Variants in GAP43 observed in about 807,000 individuals in gnomAD.
The protein encoded by GAP43 is neuromodulin.
GAP43 carries 6 observed loss-of-function variants against 18.6 expected under a neutral mutation model. The ratio of observed to expected loss-of-function variants is 0.32; its 90% CI spans 0.18 to 0.64. GAP43 has a LOEUF of 0.64. Among genes scored for constraint, GAP43 ranks in the 30% least tolerant of loss-of-function variants. The probability of loss-of-function intolerance (pLI) is 0.78; values close to 1 mark genes in which losing one functional copy is unlikely to be tolerated. For missense variants in GAP43, 292 were observed against 295.5 expected (o/e 0.99, Z 0.09); for synonymous variants, 115 against 111.4 (o/e 1.03, Z -0.20).
intron 1 of GAP43, among the ~76,000 whole-genome samples, chr3:115,651,291 G>A (rs1708516160): frequency 6.6e-6 from 1 of 152,200 alleles, no homozygotes; most frequent in Non-Finnish European, 1.5e-5. Flanking sequence ...ATGAAGTCAA[G>A]TCTCTCTTCC....
chr3:115,691,793 A>G (rs1188986861), intron 2 of GAP43, among the ~76,000 whole-genome samples: 1 of 152,198 alleles, frequency 6.6e-6, no homozygotes, highest in Non-Finnish European at 1.5e-5. Flanking sequence ...AAGTCAGCCA[A>G]GGTTACCAGG....
At chr3:115,718,010 T>C (rs1401849972) in intron 2 of GAP43, among the ~76,000 whole-genome samples, 2 of 152,208 alleles carry the variant, frequency 1.3e-5, no homozygotes, top group African/African-American at 4.8e-5. Context: ...TTTCTGTTTC[T>C]GCATTTTTGA....
At chr3:115,665,710 A>G (rs918725527) in intron 1 of GAP43, among the ~76,000 whole-genome samples, 13 of 152,126 alleles carry the variant, frequency 8.5e-5, no homozygotes, top group Non-Finnish European at 1.8e-4. Flanking sequence ...TATGAGGTAT[A>G]TAATATTTGG....
chr3:115,715,774 G>A (rs567371996), intron 2 of GAP43, among the ~76,000 whole-genome samples: 19 of 152,244 alleles, frequency 1.2e-4, no homozygotes, highest in African/African-American at 4.1e-4. Context: ...ATTTTTAAAC[G>A]TTGTAATCTT....
intron 2 of GAP43, 39 bp downstream of exon 2, chr3:115,676,649 G>A: frequency 6.6e-7 from 1 of 1,507,276 alleles, no homozygotes; most frequent in Admixed American, 2.1e-5. Context: ...GGGTGGATGG[G>A]GAAGGGAGTT....
intron 1 of GAP43, chr3:115,663,566 T>A (rs1342396838): frequency 7.6e-7 from 1 of 1,317,732 alleles, no homozygotes; most frequent in Admixed American, 3.7e-5. Context: ...ACATCTCAAG[T>A]GTGAATTTTC....
intron 1 of GAP43, among the ~76,000 whole-genome samples, chr3:115,665,513 C>T (rs1173047529): frequency 6.6e-6 from 1 of 152,094 alleles, no homozygotes; most frequent in Non-Finnish European, 1.5e-5. Context: ...ACTTGCTTAG[C>T]CTTCTTCATT....
chr3:115,663,904 CT>C lies in GAP43; in HGVS notation c.31-12108del, dbSNP rs1293368574. On this transcript the variant is annotated intron_variant, in intron 1 of 2. Coordinates refer to ENST00000305124, the MANE Select transcript of GAP43 (RefSeq NM_002045.4). ...CTTATTCACTTGGCTTCTTGACTTTCTGGATTTCAAGGGTAATTTTACCTCA... is the reference window on the plus strand; with the variant it reads ...CTTATTCACTTGGCTTCTTGACTTTCGGATTTCAAGGGTAATTTTACCTCA... 4.5e-6 allele frequency: 7 copies of C among 1,552,042 alleles called. No individual in the cohort carries two copies. In the East Asian group the frequency reaches 1.7e-4, roughly 38 times the overall value.
At chr3:115,626,325 G>C (rs982697340) in intron 1 of GAP43, among the ~76,000 whole-genome samples, 1 of 152,200 alleles carries the variant, frequency 6.6e-6, no homozygotes, top group African/African-American at 2.4e-5. Flanking sequence ...TGAAGGGCTT[G>C]CACTTCCTTC....
chr3:115,660,573 T>C (rs1313365551), intron 1 of GAP43, among the ~76,000 whole-genome samples: 2 of 152,246 alleles, frequency 1.3e-5, no homozygotes, highest in Non-Finnish European at 1.5e-5. Flanking sequence ...ATTATTTCTC[T>C]GAATTTTATA....
chr3:115,670,396 T>C (rs1183576925), intron 1 of GAP43, among the ~76,000 whole-genome samples: 1 of 152,064 alleles, frequency 6.6e-6, no homozygotes, highest in East Asian at 1.9e-4. Flanking sequence ...CAGTCTATCA[T>C]TGTTGGACAT....
intron 1 of GAP43, among the ~76,000 whole-genome samples, chr3:115,639,676 C>A (rs1708373792): frequency 6.6e-6 from 1 of 151,986 alleles, no homozygotes; most frequent in East Asian, 1.9e-4. Context: ...CTATCTATCC[C>A]CAAACCAATA....
chr3:115,668,043 T>G (rs770566816), intron 1 of GAP43, among the ~76,000 whole-genome samples: 1 of 152,174 alleles, frequency 6.6e-6, no homozygotes, highest in Non-Finnish European at 1.5e-5. Context: ...GAGGGTTTGC[T>G]CCCATTGCTC....
intron 1 of GAP43, among the ~76,000 whole-genome samples, chr3:115,671,098 T>C (rs1030098679): frequency 1.3e-5 from 2 of 152,220 alleles, no homozygotes; most frequent in African/African-American, 2.4e-5. Flanking sequence ...GTGAAATGCA[T>C]TGAGGTATCC....
intron 2 of GAP43, among the ~76,000 whole-genome samples, chr3:115,697,919 C>T (rs960578554): frequency 1.4e-5 from 2 of 146,162 alleles, no homozygotes; most frequent in Non-Finnish European, 3.0e-5. Flanking sequence ...GTGATTGGAA[C>T]GTTTTCCCAT....
chr3:115,693,487 AATTATTATT>A (rs142558403), intron 2 of GAP43, among the ~76,000 whole-genome samples: 2 of 144,600 alleles, frequency 1.4e-5, no homozygotes, highest in Admixed American at 1.3e-4. Context: ...AATCCTGTTA[AATTATTATT>A]ATTATTATTA....
At chr3:115,699,704 C>T (rs1242196255) in intron 2 of GAP43, among the ~76,000 whole-genome samples, 1 of 152,086 alleles carries the variant, frequency 6.6e-6, no homozygotes, top group African/African-American at 2.4e-5. Flanking sequence ...AGAAGACAAC[C>T]GAGGTGACAG....
At chr3:115,629,097 C>T (rs1377125653) in intron 1 of GAP43, among the ~76,000 whole-genome samples, 1 of 152,186 alleles carries the variant, frequency 6.6e-6, no homozygotes, top group East Asian at 1.9e-4. Context: ...TATCCAGTTT[C>T]TAAATCCTTT....
intron 2 of GAP43, among the ~76,000 whole-genome samples, chr3:115,708,626 A>G (rs576197919): frequency 2.6e-5 from 4 of 152,286 alleles, no homozygotes; most frequent in African/African-American, 7.2e-5. Context: ...ACTGCACCAT[A>G]GAGGTTGTTT....
Sources: allele counts gnomAD v4.1 joint callset (sites outside exome capture counted in the v4.1 genomes callset), GRCh38; gene constraint gnomAD v4.1.1; transcripts MANE v1.5; gene names NCBI Gene and HGNC (gene_info 2026-07-23, HGNC 2026-07-21).